Variants in SRP54 observed in about 807,000 individuals in gnomAD.
SRP54 encodes signal recognition particle subunit SRP54.
Under a neutral mutation model 64.8 loss-of-function variants are expected in SRP54, and 10 were observed. The ratio of observed to expected loss-of-function variants is 0.15; its 90% CI spans 0.10 to 0.26. SRP54 has a LOEUF of 0.26. Among genes scored for constraint, SRP54 ranks in the 10% least tolerant of loss-of-function variants. The probability of loss-of-function intolerance (pLI) is 1.00; values close to 1 mark genes in which losing one functional copy is unlikely to be tolerated. For missense variants in SRP54, 325 were observed against 613.7 expected, an observed-to-expected ratio of 0.53 and a Z score of 4.97; for synonymous variants, 193 against 185.6, an observed-to-expected ratio of 1.04 and a Z score of -0.32.
chr14:35,007,526 C>T (rs2044276622), intron 5 of SRP54, 139 bp downstream of exon 5: 1 of 207,216 alleles, frequency 4.8e-6, no homozygotes, highest in Non-Finnish European at 9.8e-6. Context: ...TATTAGAATG[C>T]ATTTATATAT....
intron 10 of SRP54, 98 bp downstream of exon 10, chr14:35,014,000 C>A: frequency 3.6e-6 from 3 of 836,540 alleles, no homozygotes; most frequent in African/African-American, 1.7e-5. Flanking sequence ...AATTTAAGCA[C>A]ATCATTTCTT....
At chr14:34,987,941 T>A (rs2138958797) in intron 1 of SRP54, among the ~76,000 whole-genome samples, 1 of 152,302 alleles carries the variant, frequency 6.6e-6, no homozygotes, top group Admixed American at 6.5e-5. Context: ...ATTTTCCTAA[T>A]TTTTGCTCCC....
rs1212242078 is a variant in SRP54, at chr14:34,983,015, C to G, written c.-234C>G. The G allele has an allele frequency of 6.6e-6, 1 of 152,362 alleles. No homozygotes were observed. The highest frequency in any genetic ancestry group is 1.5e-5 in the Non-Finnish European group (1 of 68,160). The allele number at this position is 152,362 out of a possible 1,614,324, so 9.4% of individuals were successfully genotyped here. Reference sequence around the variant, plus strand: ...TCATTGGGCGGAAGGTTCGCTGGCACTCCGTTGGTCTTCCAGCTGGTGGGA... The same window carrying G: ...TCATTGGGCGGAAGGTTCGCTGGCAGTCCGTTGGTCTTCCAGCTGGTGGGA... On this transcript the variant is annotated 5_prime_UTR_variant, in exon 1 of 16. Transcript: ENST00000216774.
rs762344147 is a variant in SRP54, at chr14:35,023,098, G to T, written c.1327+18G>T. 2.9e-6 allele frequency: 3 copies of T among 1,047,786 alleles called. No homozygotes were observed. The East Asian group carries it at 1.5e-4, about 54-fold the overall frequency. 64.9% of individuals were successfully genotyped at this position (1,047,786 alleles called of 1,614,324 possible). On this transcript the variant is annotated intron_variant, in intron 14 of 15. Transcript: ENST00000216774. ...TTTCAAAGGTAAGAAAAATAAGCTT[G>T]TTATTAGTTAACAGACGGAAAAGAA...
At chr14:34,991,738 G>T (rs1345048333) in intron 1 of SRP54, among the ~76,000 whole-genome samples, 2 of 149,366 alleles carry the variant, frequency 1.3e-5, no homozygotes, top group Admixed American at 6.7e-5. Flanking sequence ...GGGGGTGGGG[G>T]GTGGAGGGGG....
intron 14 of SRP54, among the ~76,000 whole-genome samples, chr14:35,023,910 C>T (rs1237257222): frequency 1.3e-5 from 2 of 152,106 alleles, no homozygotes; most frequent in Admixed American, 1.3e-4. Flanking sequence ...GATTCATTCA[C>T]TTCTATATCA....
intron 14 of SRP54, among the ~76,000 whole-genome samples, chr14:35,025,237 G>T (rs545539320): frequency 9.2e-5 from 14 of 152,064 alleles, no homozygotes; most frequent in African/African-American, 3.1e-4. Context: ...TGAATTTATT[G>T]TTTCCAAAAA....
chr14:35,011,301 C>G (rs1467164726), intron 7 of SRP54, among the ~76,000 whole-genome samples: 1 of 152,084 alleles, frequency 6.6e-6, no homozygotes, highest in Non-Finnish European at 1.5e-5. Flanking sequence ...TAGAATCATA[C>G]TGGGTTTTGG....
chr14:35,019,407 T>G (rs2044491310), intron 13 of SRP54: 1 of 189,952 alleles, frequency 5.3e-6, no homozygotes, highest in Non-Finnish European at 1.1e-5. Flanking sequence ...TTTGGCTGGG[T>G]GAGGTGGCTC....
chr14:35,006,174 C>A (rs1419246521), intron 4 of SRP54, among the ~76,000 whole-genome samples: 1 of 152,218 alleles, frequency 6.6e-6, no homozygotes, highest in Non-Finnish European at 1.5e-5. Context: ...TGGAGACTGT[C>A]CCTATATGAA....
intron 11 of SRP54, among the ~76,000 whole-genome samples, chr14:35,015,389 T>TA (rs150178371): frequency 0.18 from 26,719 of 152,176 alleles, 2,591 homozygotes; most frequent in East Asian, 0.38. Flanking sequence ...TCCTTGAAGT[T>TA]AAACAGGTTA....
intron 15 of SRP54, 79 bp downstream of exon 15, chr14:35,028,262 A>G (rs987081083): frequency 1.2e-6 from 1 of 843,616 alleles, no homozygotes; most frequent in Non-Finnish European, 1.9e-6. Flanking sequence ...CTTTTATTGT[A>G]ATATTATGAA....
At chr14:34,986,109 T>C (rs1328881089) in intron 1 of SRP54, among the ~76,000 whole-genome samples, 1 of 151,992 alleles carries the variant, frequency 6.6e-6, no homozygotes, top group Admixed American at 6.6e-5. Context: ...TCCTGAGTTA[T>C]TACCTCTTGT....
At chr14:35,002,272 T>C (rs944382994) in intron 4 of SRP54, among the ~76,000 whole-genome samples, 1 of 151,972 alleles carries the variant, frequency 6.6e-6, no homozygotes, top group African/African-American at 2.4e-5. Context: ...GAGTATTGCT[T>C]GAGCCCAGGA....
chr14:34,998,447 C>G (rs2044103802), intron 2 of SRP54, among the ~76,000 whole-genome samples: 1 of 152,102 alleles, frequency 6.6e-6, no homozygotes, highest in South Asian at 2.1e-4. Flanking sequence ...TTCTGCTGCT[C>G]TAATAAAAAT....
chr14:35,029,319 T>C lies in SRP54; in HGVS notation c.*167T>C, dbSNP rs2044687826. On this transcript the variant is annotated 3_prime_UTR_variant, in exon 16 of 16. Coordinates refer to ENST00000216774, the MANE Select transcript of SRP54 (RefSeq NM_003136.4). ...TCCCCTCCTTTTCTTTTTCCTTCCT[T>C]CTTTCCTCCCTTTAATATAAGGGAG... 1 of 502,160 alleles carries C rather than the reference T, an allele frequency of 2.0e-6. No homozygotes were observed. The highest frequency in any genetic ancestry group is 3.5e-6 in the Non-Finnish European group (1 of 285,200). The allele number at this position is 502,160 out of a possible 1,614,324, so 31.1% of individuals were successfully genotyped here.
chr14:34,987,089 G>A (rs1566639766), intron 1 of SRP54, among the ~76,000 whole-genome samples: 1 of 150,656 alleles, frequency 6.6e-6, no homozygotes, highest in Non-Finnish European at 1.5e-5. Flanking sequence ...AAAATTAGCC[G>A]AGCATGGTGG....
At chr14:35,026,395 T>C (rs1055050087) in intron 14 of SRP54, among the ~76,000 whole-genome samples, 7 of 151,924 alleles carry the variant, frequency 4.6e-5, no homozygotes, top group African/African-American at 1.7e-4. Flanking sequence ...ACTGAGCTAA[T>C]GCTTTTTTTT....
chr14:35,008,872 CT>C, intron 7 of SRP54, 41 bp downstream of exon 7: 1 of 938,780 alleles, frequency 1.1e-6, no homozygotes, highest in Non-Finnish European at 1.6e-6. Context: ...TATCCCTCTT[CT>C]TGTCTGTCAG....
Sources: allele counts gnomAD v4.1 joint callset (sites outside exome capture counted in the v4.1 genomes callset), GRCh38; gene constraint gnomAD v4.1.1; transcripts MANE v1.5; gene names NCBI Gene and HGNC (gene_info 2026-07-23, HGNC 2026-07-21).